DNMT1: variants seen among roughly 807,000 people sequenced by gnomAD.
DNMT1 encodes the protein DNA methyltransferase 1, also known as DNA (cytosine-5)-methyltransferase 1.
DNMT1 carries 24 observed loss-of-function variants against 205.3 expected under a neutral mutation model. The observed-to-expected ratio is 0.12, with a 90% CI of 0.08 to 0.16. DNMT1 has a LOEUF of 0.16. DNMT1 is among the 10% of genes least tolerant of loss of function. The pLI is 1.00. For synonymous variants in DNMT1, 817 were observed against 839.8 expected, an observed-to-expected ratio of 0.97 and a Z score of 0.47; for missense variants, 1,293 against 2,177.7, an observed-to-expected ratio of 0.59 and a Z score of 8.09.
At chr19:10,168,413 A>C (rs760118724) in intron 9 of DNMT1, 49 bp from the exon 10 acceptor site, 1 of 1,593,038 alleles carries the variant, frequency 6.3e-7, no homozygotes, top group African/African-American at 1.3e-5. Flanking sequence ...TTTGGTTTGG[A>C]TCTTTCTATT....
chr19:10,194,776 C>T, intron 1 of DNMT1, 44 bp downstream of exon 1: 2 of 1,581,060 alleles, frequency 1.3e-6, no homozygotes, highest in Non-Finnish European at 1.7e-6. Context: ...CACCCAGCGC[C>T]CTGCCTGTCC....
At position 10,151,595 on chromosome 19, in the gene DNMT1, C is replaced by A; in HGVS notation, c.2118-50G>T. ...AGGCCCCTTTTCTAAGTAAGACCAACCGGGGCTGTTTTCTTCATAACAGGG... is the reference window on the plus strand; with the variant it reads ...AGGCCCCTTTTCTAAGTAAGACCAAACGGGGCTGTTTTCTTCATAACAGGG... On this transcript the variant is annotated intron_variant, in intron 23 of 40. Coordinates refer to ENST00000359526, the MANE Select transcript of DNMT1 (RefSeq NM_001130823.3). This position sits in a 1 kb window ranked among gnomAD's most constrained non-coding sequence, Gnocchi z 5.0. 1 of 1,612,144 alleles carries A rather than the reference C, an allele frequency of 6.2e-7. No homozygotes were observed. Among genetic ancestry groups the A allele is most frequent in the Non-Finnish European group, 8.5e-7 (1 of 1,179,994 alleles).
At position 10,192,116 on chromosome 19, in the gene DNMT1, G is replaced by A. The variant is rs147135577; in HGVS notation, c.80+2704C>T. Among the ~76,000 whole-genome samples, 9 of 151,888 alleles carry A rather than the reference G, an allele frequency of 5.9e-5. No individual in the cohort carries two copies. In the East Asian group the frequency reaches 9.7e-4, roughly 16 times the overall value. The stretch of plus-strand genomic sequence containing the variant: ...TGGGATTACAGACGTGAGCCACCGC[G>A]CCCAGCCTTCTAAAAAATTTTTTAA... On this transcript the variant is annotated intron_variant, in intron 1 of 40. Transcript: ENST00000359526.
chr19:10,154,813 T>C lies in DNMT1; in HGVS notation c.1645-40A>G. ...GGTTTCTCTCATGCTTAAGCCAAAC[T>C]GGCCTAAATCCAACTGAAGAACAGT... is the stretch of plus-strand genomic sequence containing the variant. On this transcript the variant is annotated intron_variant, in intron 20 of 40. Coordinates refer to ENST00000359526, the MANE Select transcript of DNMT1 (RefSeq NM_001130823.3). The surrounding 1 kb of genome is among the most constrained non-coding windows in gnomAD (Gnocchi z 6.3). 6.2e-7 allele frequency: 1 copy of C among 1,614,226 alleles called. No individual in the cohort carries two copies. Among genetic ancestry groups the C allele is most frequent in the East Asian group, 2.2e-5 (1 of 44,890 alleles).
Position 10,156,499 on chromosome 19 carries a change from T to C in DNMT1, c.1291A>G (p.Lys431Glu). ...HKLTCFSVYCKHGHLCPIDTG... is the reference protein window; with the variant it reads ...HKLTCFSVYCEHGHLCPIDTG... The stretch of plus-strand genomic sequence containing the variant: ...TCGATGGGACACAGGTGACCGTGCT[T>C]ACAGTACACACTAGACAGGAAACAA... The change falls in exon 18 of 41, where the codon AAG (lysine) becomes GAG (glutamate). Residue 431 changes from lysine (K) to glutamate (E), a missense_variant. Physicochemically the swap from Lys to Glu is moderately conservative, Grantham distance 56 (BLOSUM62 1). Transcript: ENST00000359526. This position sits in a 1 kb window ranked among gnomAD's most constrained non-coding sequence, Gnocchi z 4.2. The C allele has an allele frequency of 6.2e-7, 1 of 1,612,970 alleles. No homozygotes were observed. Among genetic ancestry groups the C allele is most frequent in the Non-Finnish European group, 8.5e-7 (1 of 1,179,152 alleles).
In DNMT1 at chr19:10,162,718, T is replaced by C. The variant is rs1179101598; in HGVS notation, c.957A>G (p.Glu319=). ...AAATCTGTGGATTTACTTTTTCAGG[T>C]TCTTTTTCTTCGGGCCTCCGTTTGG... The part of the protein sequence containing the change: ...LAAKRRPEEK[E]PEKVNPQISD... The change falls in exon 13 of 41, where the codon GAA becomes GAG. Residue 319 remains glutamate, a synonymous_variant. Transcript: ENST00000359526. 2 of 1,613,874 alleles carry C rather than the reference T, an allele frequency of 1.2e-6. No homozygotes were observed. Among genetic ancestry groups the C allele is most frequent in the Non-Finnish European group, 1.7e-6 (2 of 1,180,004 alleles).
Position 10,182,030 on chromosome 19 carries a change from G to GT in DNMT1, c.117+10dup. 1 of 1,611,326 alleles carries GT rather than the reference G, an allele frequency of 6.2e-7. No individual in the cohort carries two copies. The highest frequency in any genetic ancestry group is 1.1e-5 in the South Asian group (1 of 90,816). On this transcript the variant is annotated intron_variant, in intron 2 of 40. Transcript: ENST00000359526. Reference sequence around the variant, plus strand: ...ATTTGGTAATAAGAAAAATTTTAAGGTGGAGATTACCTTTTCTGTTAAGCT... The same window carrying GT: ...ATTTGGTAATAAGAAAAATTTTAAGGTTGGAGATTACCTTTTCTGTTAAGCT...
Position 10,133,348 on chromosome 19 carries a change from G to A in DNMT1, c.*319C>T. On this transcript the variant is annotated 3_prime_UTR_variant, in exon 41 of 41. Transcript: ENST00000359526. The surrounding 1 kb of genome is among the most constrained non-coding windows in gnomAD (Gnocchi z 4.1). ...AAATCACGAATACCCACCCAGGGTGGTTTATAGGAGAGATTTATTTGAAGA... is the reference window on the plus strand; with the variant it reads ...AAATCACGAATACCCACCCAGGGTGATTTATAGGAGAGATTTATTTGAAGA... 2 of 436,036 alleles carry A rather than the reference G, an allele frequency of 4.6e-6. No individual in the cohort carries two copies. The highest frequency in any genetic ancestry group is 8.4e-6 in the Non-Finnish European group (2 of 238,430). 27.0% of individuals were successfully genotyped at this position (436,036 alleles called of 1,614,324 possible).
rs1346589590 is a variant in DNMT1, at chr19:10,137,807, A to C, written c.4293+25T>G. ...GCTGCTGGGCTGGGCCTCGAGGAGGAGCCGCTCTGTCAGGGTGCCATTACC... is the reference window on the plus strand; with the variant it reads ...GCTGCTGGGCTGGGCCTCGAGGAGGCGCCGCTCTGTCAGGGTGCCATTACC... On this transcript the variant is annotated intron_variant, in intron 36 of 40. Coordinates refer to ENST00000359526, the MANE Select transcript of DNMT1 (RefSeq NM_001130823.3). The surrounding 1 kb of genome is among the most constrained non-coding windows in gnomAD (Gnocchi z 6.4). 1.2e-6 allele frequency: 2 copies of C among 1,608,570 alleles called. No individual in the cohort carries two copies. The highest frequency in any genetic ancestry group is 3.4e-5 in the Admixed American group (2 of 59,384).
intron 1 of DNMT1, among the ~76,000 whole-genome samples, chr19:10,182,457 ATATATG>A (rs1351819917): frequency 6.3e-5 from 8 of 126,830 alleles, no homozygotes; most frequent in Middle Eastern, 4.0e-3. Context: ...ATATGTGTAT[ATATATG>A]TGTGTATATA....
chr19:10,137,706 AG>A lies in DNMT1; in HGVS notation c.4293+125del. The A allele has an allele frequency of 1.5e-6, 2 of 1,307,430 alleles. No homozygotes were observed. Among genetic ancestry groups the A allele is most frequent in the African/African-American group, 1.5e-5 (1 of 68,270 alleles). 81.0% of individuals were successfully genotyped at this position (1,307,430 alleles called of 1,614,324 possible). On this transcript the variant is annotated intron_variant, in intron 36 of 40. Coordinates refer to ENST00000359526, the MANE Select transcript of DNMT1 (RefSeq NM_001130823.3). The surrounding 1 kb of genome is among the most constrained non-coding windows in gnomAD (Gnocchi z 6.4). ...GAGACCAGGGGTCACACAAAGGCTG[AG>A]GACTCGGGAGGAGGAGCCTGGGATC...
chr19:10,186,556 T>C (rs2039186718), intron 1 of DNMT1, among the ~76,000 whole-genome samples: 1 of 151,794 alleles, frequency 6.6e-6, no homozygotes, highest in Non-Finnish European at 1.5e-5. Flanking sequence ...TATAAACAGC[T>C]GGCCAGGCAC....
Position 10,180,795 on chromosome 19 carries a change from T to C in DNMT1, c.208A>G (p.Lys70Glu). Residue 70 changes from lysine to glutamate, a missense_variant, in exon 3 of 41, where the codon AAA becomes GAA. Physicochemically the swap from Lys to Glu is moderately conservative, Grantham distance 56. Around this residue, in one of 13 missense-constraint regions of DNMT1, gnomAD observed 394 missense variants for 451.6 expected, o/e 0.87. Transcript: ENST00000359526. ...QLCDLETKLR[K>E]EELSEEGYLA... ...TGACTTACCTCGGATAATTCTTCTT[T>C]ACGTAATTTGGTTTCCAAGTCACAT... is the stretch of plus-strand genomic sequence containing the variant. The C allele has an allele frequency of 5.0e-6, 8 of 1,614,156 alleles. No homozygotes were observed. Among genetic ancestry groups the C allele is most frequent in the Non-Finnish European group, 6.8e-6 (8 of 1,180,018 alleles).
At chr19:10,194,534 C>A in intron 1 of DNMT1, 1 of 340,436 alleles carries the variant, frequency 2.9e-6, no homozygotes, top group Non-Finnish European at 5.4e-6. Context: ...GAAACGAACC[C>A]AAAGCTTGCT....
At chr19:10,162,463 T>A (rs1420232414) in intron 13 of DNMT1, among the ~76,000 whole-genome samples, 2 of 149,438 alleles carry the variant, frequency 1.3e-5, no homozygotes, top group African/African-American at 4.9e-5. Context: ...AGAGACAGGG[T>A]TTCACCATAT....
chr19:10,170,319 A>C (rs2145351524), intron 9 of DNMT1, among the ~76,000 whole-genome samples: 1 of 151,608 alleles, frequency 6.6e-6, no homozygotes, highest in East Asian at 2.0e-4. Flanking sequence ...AGAAAGACCA[A>C]CCTCAAGTAC....
rs367727676 is a variant in DNMT1 at position 10,159,715 on chromosome 19, T to C, written c.1223A>G (p.Asn408Ser). The change falls in exon 17 of 41, where the codon AAC (asparagine) becomes AGC (serine). Residue 408 changes from asparagine (N) to serine (S), a missense_variant. Physicochemically the swap from Asn to Ser is conservative, Grantham distance 46. This residue lies in a region of DNMT1 where 120 missense variants were observed against 315.9 expected (regional missense o/e 0.38). Transcript: ENST00000359526. This position sits in a 1 kb window ranked among gnomAD's most constrained non-coding sequence, Gnocchi z 5.0. ...CTCATAACTCTCAAAGCCAGACTCGTTGGCATCAAAGATGGACAGCTTCTC... is the reference window on the plus strand; with the variant it reads ...CTCATAACTCTCAAAGCCAGACTCGCTGGCATCAAAGATGGACAGCTTCTC... ...TNEKLSIFDA[N>S]ESGFESYEAL... is the part of the protein sequence containing the mutation. 4.3e-6 allele frequency: 7 copies of C among 1,614,208 alleles called. No homozygotes were observed. Among genetic ancestry groups the C allele is most frequent in the African/African-American group, 1.3e-5 (1 of 75,048 alleles).
chr19:10,173,077 G>A lies in DNMT1; in HGVS notation c.768+13C>T, dbSNP rs994003512. 4.3e-6 allele frequency: 7 copies of A among 1,614,104 alleles called. No individual in the cohort carries two copies. The highest frequency in any genetic ancestry group is 1.1e-5 in the South Asian group (1 of 91,072). On this transcript the variant is annotated intron_variant, in intron 9 of 40. Coordinates refer to ENST00000359526, the MANE Select transcript of DNMT1 (RefSeq NM_001130823.3). ...AGGGAGAATTAACAAACTTAGAGGT[G>A]ATAGAGCTTTACTTTTTCATCTCTT...
chr19:10,173,196 ACC>A (rs1446288718), intron 8 of DNMT1, 22 bp from the exon 9 acceptor site: 1 of 1,613,880 alleles, frequency 6.2e-7, no homozygotes, highest in African/African-American at 1.3e-5. Context: ...AATAACACAG[ACC>A]CCAAGTGTGA....
Sources: allele counts gnomAD v4.1 joint callset (sites outside exome capture counted in the v4.1 genomes callset), GRCh38; gene constraint gnomAD v4.1.1; regional missense constraint gnomAD v4.1.1; non-coding constraint Gnocchi (gnomAD v3.1); transcripts MANE v1.5; gene names NCBI Gene and HGNC (gene_info 2026-07-23, HGNC 2026-07-21).